The following TNNI3K variants were observed in gnomAD, a reference collection of about 807,000 sequenced individuals.
TNNI3K encodes the protein TNNI3 interacting kinase, also known as serine/threonine-protein kinase TNNI3K.
Under a neutral mutation model 114.5 loss-of-function variants are expected in TNNI3K, and 140 were observed. The ratio of observed to expected loss-of-function variants is 1.22; its 90% CI spans 1.07 to 1.41. The LOEUF is 1.41. Among genes scored for constraint, TNNI3K ranks in the 40% most tolerant of loss-of-function variants. The pLI, the probability that TNNI3K is intolerant of heterozygous loss-of-function variation, is 0.00. For missense variants in TNNI3K, 1,125 were observed against 1,007.6 expected, an observed-to-expected ratio of 1.12 and a Z score of -1.58; for synonymous variants, 347 against 347.5, an observed-to-expected ratio of 1.00 and a Z score of 0.02.
At chr1:74,487,431 T>C (rs1250823615) in intron 21 of TNNI3K, among the ~76,000 whole-genome samples, 1 of 152,124 alleles carries the variant, frequency 6.6e-6, no homozygotes, top group Non-Finnish European at 1.5e-5. Context: ...AAATATGTAA[T>C]AGGCTCTCTG....
At chr1:74,251,657 T>G (rs1270487167) in intron 4 of TNNI3K, among the ~76,000 whole-genome samples, 1 of 152,202 alleles carries the variant, frequency 6.6e-6, no homozygotes. Context: ...GAATTTTATT[T>G]CAGTTTTGTG....
intron 16 of TNNI3K, chr1:74,369,973 T>C (rs1662507899): frequency 4.3e-6 from 1 of 233,136 alleles, no homozygotes; most frequent in Admixed American, 5.3e-5. Context: ...ATATAGTAAT[T>C]AGAATGTAGT....
chr1:74,398,763 A>G (rs1664210432), intron 17 of TNNI3K, among the ~76,000 whole-genome samples: 1 of 152,182 alleles, frequency 6.6e-6, no homozygotes, highest in South Asian at 2.1e-4. Flanking sequence ...TATGGAAGGT[A>G]TACATATTAG....
At chr1:74,349,617 G>A (rs1408585269) in intron 9 of TNNI3K, among the ~76,000 whole-genome samples, 1 of 152,052 alleles carries the variant, frequency 6.6e-6, no homozygotes, top group Non-Finnish European at 1.5e-5. Context: ...TTTTTTGGTT[G>A]GTAAGCTATT....
chr1:74,541,999 A>G (rs1422827994), intron 24 of TNNI3K, among the ~76,000 whole-genome samples: 2 of 152,208 alleles, frequency 1.3e-5, no homozygotes, highest in African/African-American at 2.4e-5. Flanking sequence ...TGTACTTGAG[A>G]CCTTTTACCT....
intron 17 of TNNI3K, chr1:74,372,387 T>C (rs1662662527): frequency 6.6e-6 from 1 of 151,790 alleles, no homozygotes; most frequent in Non-Finnish European, 1.5e-5. Flanking sequence ...CAGATAGATA[T>C]GAAAGATAGG....
At chr1:74,508,582 G>C (rs555190784) in intron 23 of TNNI3K, among the ~76,000 whole-genome samples, 1 of 152,324 alleles carries the variant, frequency 6.6e-6, no homozygotes, top group East Asian at 1.9e-4. Flanking sequence ...CCAGGAGGCA[G>C]ACTGCATTCA....
At chr1:74,238,557 A>C (rs1211810740) in intron 2 of TNNI3K, among the ~76,000 whole-genome samples, 2 of 152,072 alleles carry the variant, frequency 1.3e-5, no homozygotes, top group African/African-American at 4.8e-5. Context: ...GAAGAGGATG[A>C]TTTCAAAATT....
Position 74,458,503 on chromosome 1 carries a change from A to C in TNNI3K, c.2012-4938A>C, listed in dbSNP as rs74373452. ...TGAATGAAAGATATTATATTGATTAAATTTGCCACTAGATTTCAGTAATTT... is the reference window on the plus strand; with the variant it reads ...TGAATGAAAGATATTATATTGATTACATTTGCCACTAGATTTCAGTAATTT... On this transcript the variant is annotated intron_variant, in intron 20 of 24. Transcript: ENST00000326637. Among the ~76,000 whole-genome samples the C allele has an allele frequency of 1.8e-3, 274 of 152,240 alleles. 1 individual carries two copies. The highest frequency in any genetic ancestry group is 6.3e-3 in the African/African-American group (262 of 41,556).
At chr1:74,356,933 A>G (rs1481328873) in intron 11 of TNNI3K, among the ~76,000 whole-genome samples, 2 of 152,210 alleles carry the variant, frequency 1.3e-5, no homozygotes, top group East Asian at 1.9e-4. Flanking sequence ...CTCAGAAGAC[A>G]GATGGATGTT....
rs1015901325 is a variant in TNNI3K at position 74,400,068 on chromosome 1, G to A, written c.1772+29676G>A. Among the ~76,000 whole-genome samples, 3 of 152,092 alleles carry A rather than the reference G, an allele frequency of 2.0e-5. No homozygotes were observed. The South Asian group carries it at 6.2e-4, about 32-fold the overall frequency. ...ATTCTTCCAAAAACAAACCCTTAAA[G>A]AATAAAATACATTTGTATAAGGGCC... On this transcript the variant is annotated intron_variant, in intron 17 of 24. Transcript: ENST00000326637.
intron 17 of TNNI3K, among the ~76,000 whole-genome samples, chr1:74,394,988 G>A (rs953053814): frequency 6.6e-6 from 1 of 151,308 alleles, no homozygotes; most frequent in Non-Finnish European, 1.5e-5. Flanking sequence ...AGCTTGCAGT[G>A]AGCCGAGATC....
intron 17 of TNNI3K, among the ~76,000 whole-genome samples, chr1:74,391,957 A>ATTATTTTTTTTTTTTTTTTTTTTTTTTT (rs1369570973): frequency 1.1e-5 from 1 of 93,040 alleles, no homozygotes; most frequent in Admixed American, 1.2e-4. Context: ...ACAGCTTATT[A>ATTATTTTTTTTTTTTTTTTTTTTTTTTT]TTTTTTTTTT....
chr1:74,251,808 G>C (rs986007985), intron 4 of TNNI3K, among the ~76,000 whole-genome samples: 2 of 152,286 alleles, frequency 1.3e-5, no homozygotes, highest in Non-Finnish European at 2.9e-5. Flanking sequence ...ACAAATTCCT[G>C]TAATTCATAG....
At chr1:74,391,439 T>C (rs1457892730) in intron 17 of TNNI3K, among the ~76,000 whole-genome samples, 4 of 152,104 alleles carry the variant, frequency 2.6e-5, no homozygotes, top group Admixed American at 6.5e-5. Flanking sequence ...TAGAGTGTAC[T>C]AGATACATAT....
chr1:74,417,562 A>C (rs1353163312), intron 17 of TNNI3K, among the ~76,000 whole-genome samples: 3 of 152,024 alleles, frequency 2.0e-5, no homozygotes, highest in African/African-American at 7.2e-5. Flanking sequence ...TGTTTCTCAC[A>C]GCTCACACAA....
intron 4 of TNNI3K, among the ~76,000 whole-genome samples, chr1:74,264,708 T>G (rs1655867461): frequency 6.6e-6 from 1 of 151,982 alleles, no homozygotes; most frequent in African/African-American, 2.4e-5. Context: ...AGAAAAAAAT[T>G]TAGCCCAACT....
chr1:74,489,271 T>C (rs1413913542), intron 22 of TNNI3K, 23 bp downstream of exon 22: 1 of 1,601,140 alleles, frequency 6.2e-7, no homozygotes, highest in African/African-American at 1.4e-5. Context: ...GCTTCTGAAA[T>C]ATGTCCATAA....
chr1:74,417,376 T>A (rs932406621), intron 17 of TNNI3K, among the ~76,000 whole-genome samples: 9 of 152,112 alleles, frequency 5.9e-5, no homozygotes, highest in Non-Finnish European at 1.2e-4. Context: ...GCCCATGTCC[T>A]CAAGAAGTGG....
Sources: allele counts gnomAD v4.1 joint callset (sites outside exome capture counted in the v4.1 genomes callset), GRCh38; gene constraint gnomAD v4.1.1; transcripts MANE v1.5; gene names NCBI Gene and HGNC (gene_info 2026-07-23, HGNC 2026-07-21).